SHANK2: variants seen among roughly 807,000 people sequenced by gnomAD.
SHANK2 encodes SH3 and multiple ankyrin repeat domains protein 2.
A neutral mutation model predicts 133.7 loss-of-function variants in SHANK2; 43 were observed. The observed-to-expected ratio is 0.32, with a 90% CI of 0.25 to 0.41. The LOEUF (loss-of-function observed/expected upper bound fraction) is 0.41, where lower values mean the gene tolerates loss of function less well. Ranked by LOEUF, SHANK2 falls within the 10% of genes least tolerant of loss-of-function variation. The pLI, the probability that SHANK2 is intolerant of heterozygous loss-of-function variation, is 1.00. For missense variants in SHANK2, 1,994 were observed against 2,235.8 expected (o/e 0.89, Z 2.18); for synonymous variants, 1,017 against 952.8 (o/e 1.07, Z -1.24).
intron 3 of SHANK2, among the ~76,000 whole-genome samples, chr11:71,131,028 C>G (rs1197706228): frequency 1.3e-5 from 2 of 152,174 alleles, no homozygotes; most frequent in African/African-American, 4.8e-5. Context: ...TTTTAAGGAC[C>G]CGTCATAAAC....
chr11:71,130,547 T>C (rs1952281943), intron 3 of SHANK2, among the ~76,000 whole-genome samples: 1 of 152,184 alleles, frequency 6.6e-6, no homozygotes, highest in South Asian at 2.1e-4. Flanking sequence ...ATGGTAAATA[T>C]TATACCATAT....
intron 4 of SHANK2, among the ~76,000 whole-genome samples, chr11:71,116,007 C>A (rs541480184): frequency 4.7e-4 from 72 of 152,316 alleles, no homozygotes; most frequent in Non-Finnish European, 8.7e-4. Flanking sequence ...TTGCTCTAAA[C>A]CACACAACTT....
intron 14 of SHANK2, among the ~76,000 whole-genome samples, chr11:70,756,971 G>GC (rs1160550689): frequency 6.6e-6 from 1 of 152,132 alleles, no homozygotes; most frequent in African/African-American, 2.4e-5. Context: ...AGGTCCTTGC[G>GC]CCCCCGTCTG....
intron 17 of SHANK2, among the ~76,000 whole-genome samples, chr11:70,505,077 A>G (rs111867465): frequency 5.3e-5 from 8 of 152,286 alleles, no homozygotes; most frequent in Admixed American, 2.6e-4. Flanking sequence ...GTGAACACAT[A>G]ACTTCAGGTG....
chr11:70,857,616 C>A (rs180940297), intron 11 of SHANK2, among the ~76,000 whole-genome samples: 94 of 152,270 alleles, frequency 6.2e-4, no homozygotes, highest in African/African-American at 2.1e-3. Flanking sequence ...AGTTGACATA[C>A]GGGTTCTGCT....
At chr11:70,684,349 G>C (rs552241680) in intron 15 of SHANK2, among the ~76,000 whole-genome samples, 178 of 152,258 alleles carry the variant, frequency 1.2e-3, no homozygotes, top group African/African-American at 4.1e-3. Context: ...TTGAGGCCAG[G>C]AGTTCAAGAC....
intron 11 of SHANK2, among the ~76,000 whole-genome samples, chr11:70,826,023 C>T (rs782751953): frequency 6.6e-6 from 1 of 152,220 alleles, no homozygotes; most frequent in Non-Finnish European, 1.5e-5. Flanking sequence ...TAACTGCAAC[C>T]CCGGGATGGG....
intron 17 of SHANK2, among the ~76,000 whole-genome samples, chr11:70,658,248 CACACACACACACACAG>C (rs2061433853): frequency 7.6e-5 from 9 of 117,900 alleles, no homozygotes; most frequent in African/African-American, 1.9e-4. Context: ...CACACACAGA[CACACACACACACACAG>C]ACACACACAC....
In SHANK2 at chr11:70,661,877, C is replaced by T. The variant is rs1021571853; in HGVS notation, c.1854-199G>A. 14 of 1,476,818 alleles carry T rather than the reference C, an allele frequency of 9.5e-6. No homozygotes were observed. The East Asian group carries it at 1.4e-4, about 14-fold the overall frequency. The allele number at this position is 1,476,818 out of a possible 1,614,324, so 91.5% of individuals were successfully genotyped here. A position where few individuals can be genotyped will look rare whatever the true frequency, so the allele number is the denominator to read the frequency against. On this transcript the variant is annotated intron_variant, in intron 15 of 25. Transcript: ENST00000601538. Reference sequence around the variant, plus strand: ...GGGGGTGGCTACCGGGATAGGCGAGCGTGGCACAATGAGACTTGCAGGGTG... The same window carrying T: ...GGGGGTGGCTACCGGGATAGGCGAGTGTGGCACAATGAGACTTGCAGGGTG...
At chr11:70,478,964 G>T (rs2058698875) in intron 25 of SHANK2, among the ~76,000 whole-genome samples, 1 of 152,190 alleles carries the variant, frequency 6.6e-6, no homozygotes, top group East Asian at 1.9e-4. Context: ...CCACCTCTTG[G>T]GAAGAGAGAT....
At chr11:70,710,410 C>T (rs1945758105) in intron 14 of SHANK2, among the ~76,000 whole-genome samples, 1 of 152,212 alleles carries the variant, frequency 6.6e-6, no homozygotes, top group Non-Finnish European at 1.5e-5. Flanking sequence ...AAGCTTAAAA[C>T]CCAAGGAGGG....
chr11:70,721,246 G>C (rs192206512), intron 14 of SHANK2, among the ~76,000 whole-genome samples: 1 of 152,346 alleles, frequency 6.6e-6, no homozygotes, highest in East Asian at 1.9e-4. Context: ...CACCTAGTGG[G>C]GCTGTGAGGG....
At chr11:70,743,092 T>C (rs188374338) in intron 14 of SHANK2, among the ~76,000 whole-genome samples, 19 of 151,486 alleles carry the variant, frequency 1.3e-4, no homozygotes, top group Non-Finnish European at 2.1e-4. Context: ...CCAGCGTGCA[T>C]CTGCCGGTGC....
At chr11:70,555,018 A>C (rs2059812809) in intron 17 of SHANK2, among the ~76,000 whole-genome samples, 1 of 151,802 alleles carries the variant, frequency 6.6e-6, no homozygotes, top group African/African-American at 2.4e-5. Flanking sequence ...CATGTTGGAT[A>C]ATTCTCACAA....
intron 2 of SHANK2, among the ~76,000 whole-genome samples, chr11:71,202,204 G>A (rs1301194248): frequency 2.0e-5 from 3 of 152,214 alleles, no homozygotes; most frequent in East Asian, 3.9e-4. Context: ...CCCTTCTGCC[G>A]GGTGGCAGCC....
At chr11:70,693,160 C>T (rs1945325407) in intron 15 of SHANK2, among the ~76,000 whole-genome samples, 1 of 152,204 alleles carries the variant, frequency 6.6e-6, no homozygotes, top group African/African-American at 2.4e-5. Flanking sequence ...TGTTGCTTGG[C>T]CTGAATAATG....
chr11:71,140,933 A>G (rs781906175), intron 3 of SHANK2, among the ~76,000 whole-genome samples: 3 of 152,222 alleles, frequency 2.0e-5, no homozygotes, highest in Non-Finnish European at 4.4e-5. Context: ...ACCCAACGCC[A>G]GCCTCCCAGG....
chr11:70,723,975 A>C (rs192898995), intron 14 of SHANK2, among the ~76,000 whole-genome samples: 53 of 152,156 alleles, frequency 3.5e-4, no homozygotes, highest in African/African-American at 1.2e-3. Flanking sequence ...CCACTTAAAA[A>C]AAAAAATCCC....
chr11:70,681,407 G>A (rs782675523), intron 15 of SHANK2, among the ~76,000 whole-genome samples: 3 of 152,146 alleles, frequency 2.0e-5, no homozygotes, highest in Non-Finnish European at 4.4e-5. Flanking sequence ...AGGTTAAAGG[G>A]TCTATCAGAT....
Sources: gnomAD v4.1 joint callset for allele counts (sites outside exome capture counted in the v4.1 genomes callset) on GRCh38, gnomAD v4.1.1 for gene constraint, MANE v1.5 for transcripts, NCBI Gene and HGNC (gene_info 2026-07-23, HGNC 2026-07-21) for gene names.